The following RTTN variants were observed in gnomAD, a reference collection of about 807,000 sequenced individuals.
RTTN encodes rotatin.
Under a neutral mutation model 269.2 loss-of-function variants are expected in RTTN, and 182 were observed. The ratio of observed to expected loss-of-function variants is 0.68; its 90% CI spans 0.60 to 0.76. The LOEUF is 0.76. Ranked by LOEUF, RTTN falls within the 30% of genes least tolerant of loss-of-function variation. The pLI, the probability that RTTN is intolerant of heterozygous loss-of-function variation, is 0.00. For missense variants in RTTN, 2,545 were observed against 2,608.6 expected, an observed-to-expected ratio of 0.98 and a Z score of 0.53; for synonymous variants, 1,006 against 963.5, an observed-to-expected ratio of 1.04 and a Z score of -0.82.
At chr18:70,148,167 G>T (rs2060444908) in intron 17 of RTTN, among the ~76,000 whole-genome samples, 1 of 152,098 alleles carries the variant, frequency 6.6e-6, no homozygotes, top group Admixed American at 6.6e-5. Context: ...ATTATCCATT[G>T]TGAAAAGAAT....
At position 70,028,794 on chromosome 18, in the gene RTTN, C is replaced by T; in HGVS notation, c.5753G>A (p.Gly1918Asp). 3 of 1,609,110 alleles carry T rather than the reference C, an allele frequency of 1.9e-6. No homozygotes were observed. The highest frequency in any genetic ancestry group is 2.6e-6 in the Non-Finnish European group (3 of 1,176,270). The change falls in exon 43 of 49, where the codon GGT becomes GAT. Residue 1918 changes from glycine to aspartate, a missense_variant. Physicochemically the swap from Gly to Asp is moderately conservative, Grantham distance 94. Coordinates refer to ENST00000640769, the MANE Select transcript of RTTN (RefSeq NM_173630.4). ...GGCAATGCTTAACTCTTTAATAACA[C>T]CATCCTCCTATTTAAACAAAAAGCA... ...GKAALKKKEDGVIKELSIAMQ... is the reference protein window; with the variant it reads ...GKAALKKKEDDVIKELSIAMQ...
In RTTN at chr18:70,051,534, A is replaced by G; in HGVS notation, c.5200T>C (p.Ser1734Pro). ...TGTGTCCATGTGTGATAAAAAGCTGATATTAACTCTTTATCTATAAAATTA... is the reference window on the plus strand; with the variant it reads ...TGTGTCCATGTGTGATAAAAAGCTGGTATTAACTCTTTATCTATAAAATTA... ...TKDVLDKELI[S>P]AFYHTWTHLF... The change falls in exon 39 of 49, where the codon TCA becomes CCA. Residue 1734 changes from serine (S) to proline (P), a missense_variant. Transcript: ENST00000640769. 6.2e-7 allele frequency: 1 copy of G among 1,602,710 alleles called. No individual in the cohort carries two copies.
At chr18:70,035,061 G>C (rs141814273) in intron 40 of RTTN, among the ~76,000 whole-genome samples, 2 of 152,294 alleles carry the variant, frequency 1.3e-5, no homozygotes, top group African/African-American at 4.8e-5. Flanking sequence ...AAAGAAATCA[G>C]TGGTGACACG....
At chr18:70,184,012 C>T (rs574167867) in intron 10 of RTTN, among the ~76,000 whole-genome samples, 1 of 152,280 alleles carries the variant, frequency 6.6e-6, no homozygotes, top group South Asian at 2.1e-4. Flanking sequence ...AAGTAATGCT[C>T]CCATGCTGGC....
chr18:70,066,434 A>T (rs966085779), intron 34 of RTTN, among the ~76,000 whole-genome samples: 1 of 152,190 alleles, frequency 6.6e-6, no homozygotes, highest in African/African-American at 2.4e-5. Flanking sequence ...TTGCTTCAGA[A>T]TACAACATTA....
intron 25 of RTTN, among the ~76,000 whole-genome samples, chr18:70,123,036 TA>T (rs541922555): frequency 8.0e-5 from 12 of 150,566 alleles, no homozygotes; most frequent in African/African-American, 1.5e-4. Context: ...GCCTGGCATT[TA>T]AAAAAAAAAT....
In RTTN at chr18:70,135,186, C is replaced by A; in HGVS notation, c.2883G>T (p.Met961Ile). ...LLFDEVSRMD[M>I]WSVNPSNKPS... ...ACTTATAAATTCTTATATCTCACCA[C>A]ATATCCATTCTCGATACTTCATCAA... is the stretch of plus-strand genomic sequence containing the variant. The change falls in exon 22 of 49, where the codon ATG becomes ATT. Residue 961 changes from methionine to isoleucine, a missense_variant and splice_region_variant. Coordinates refer to ENST00000640769, the MANE Select transcript of RTTN (RefSeq NM_173630.4). The A allele has an allele frequency of 6.7e-7, 1 of 1,495,378 alleles. No homozygotes were observed. Among genetic ancestry groups the A allele is most frequent in the Non-Finnish European group, 9.0e-7 (1 of 1,109,194 alleles). The allele number at this position is 1,495,378 out of a possible 1,614,324, so 92.6% of individuals were successfully genotyped here.
At chr18:70,176,184 C>T (rs5013427) in intron 11 of RTTN, among the ~76,000 whole-genome samples, 8 of 145,432 alleles carry the variant, frequency 5.5e-5, no homozygotes, top group South Asian at 4.5e-4. Flanking sequence ...TATATGTATA[C>T]GTAGATGTAG....
Position 70,074,005 on chromosome 18 carries a change from G to A in RTTN, c.4565-11C>T, listed in dbSNP as rs192428170. 131 of 1,590,850 alleles carry A rather than the reference G, an allele frequency of 8.2e-5. 1 individual carries two copies. The East Asian group carries it at 2.2e-3, about 27-fold the overall frequency. Reference sequence around the variant, plus strand: ...ATGAGTCATCTAAACCTGCAACAACGAGAAAATTGTTAACATGGACACCCT... The same window carrying A: ...ATGAGTCATCTAAACCTGCAACAACAAGAAAATTGTTAACATGGACACCCT... On this transcript the variant is annotated splice_polypyrimidine_tract_variant and intron_variant, in intron 33 of 48. Coordinates refer to ENST00000640769, the MANE Select transcript of RTTN (RefSeq NM_173630.4).
intron 35 of RTTN, among the ~76,000 whole-genome samples, chr18:70,064,831 G>A (rs896781512): frequency 3.3e-5 from 5 of 152,100 alleles, no homozygotes; most frequent in African/African-American, 1.2e-4. Flanking sequence ...GAATTATATG[G>A]TATGTGAATT....
At chr18:70,115,264 G>A (rs959946655) in intron 26 of RTTN, among the ~76,000 whole-genome samples, 4 of 151,890 alleles carry the variant, frequency 2.6e-5, no homozygotes, top group Admixed American at 2.6e-4. Context: ...CACAGGACAT[G>A]AAAAGACCCA....
At chr18:70,187,213 A>C (rs1242101040) in intron 10 of RTTN, among the ~76,000 whole-genome samples, 1 of 152,190 alleles carries the variant, frequency 6.6e-6, no homozygotes, top group African/African-American at 2.4e-5. Flanking sequence ...TCTCACGTAT[A>C]GATAGATAGG....
chr18:70,170,423 T>G (rs555885523), intron 11 of RTTN, among the ~76,000 whole-genome samples: 2 of 151,968 alleles, frequency 1.3e-5, no homozygotes, highest in East Asian at 1.9e-4. Flanking sequence ...TAATGGGGAG[T>G]GGAGGCAGGG....
chr18:70,016,369 ATG>A (rs1229047994), intron 46 of RTTN, among the ~76,000 whole-genome samples: 2 of 152,120 alleles, frequency 1.3e-5, no homozygotes, highest in Non-Finnish European at 2.9e-5. Context: ...TAGGCACTTT[ATG>A]TGTGTTTATA....
chr18:70,113,945 T>C (rs539103906), intron 27 of RTTN, among the ~76,000 whole-genome samples: 2 of 152,266 alleles, frequency 1.3e-5, no homozygotes, highest in South Asian at 2.1e-4. Context: ...GGGGTGATGA[T>C]AAAGTTCTGG....
At chr18:70,193,735 C>T (rs541238357) in intron 7 of RTTN, among the ~76,000 whole-genome samples, 1 of 152,266 alleles carries the variant, frequency 6.6e-6, no homozygotes, top group East Asian at 1.9e-4. Flanking sequence ...ATCATGCACT[C>T]GTCTGCTTAA....
At chr18:70,116,266 G>C (rs1017841159) in intron 26 of RTTN, among the ~76,000 whole-genome samples, 3 of 151,774 alleles carry the variant, frequency 2.0e-5, no homozygotes, top group Non-Finnish European at 4.4e-5. Context: ...TTTATTATTA[G>C]GAATTATTAA....
chr18:70,100,616 G>A (rs1430830211), intron 28 of RTTN, among the ~76,000 whole-genome samples: 1 of 152,052 alleles, frequency 6.6e-6, no homozygotes, highest in Non-Finnish European at 1.5e-5. Context: ...CAACACTGTT[G>A]AATAGGAGTG....
chr18:70,196,516 A>T lies in RTTN; in HGVS notation c.826T>A (p.Phe276Ile), dbSNP rs1333925514. The change falls in exon 7 of 49, where the codon TTC becomes ATC. Residue 276 changes from phenylalanine to isoleucine, a missense_variant. Phe to Ile is a conservative substitution (Grantham distance 21). Coordinates refer to ENST00000640769, the MANE Select transcript of RTTN (RefSeq NM_173630.4). ...AAATAAATACCGTGTTTATTGGAGAAAAAACCTGGATCTCGGTGAAAGTTA... is the reference window on the plus strand; with the variant it reads ...AAATAAATACCGTGTTTATTGGAGATAAAACCTGGATCTCGGTGAAAGTTA... Reference protein sequence around the residue: ...RLNFHRDPGFFSNKHDTVSQN... With the variant: ...RLNFHRDPGFISNKHDTVSQN... 6.2e-7 allele frequency: 1 copy of T among 1,610,512 alleles called. No individual in the cohort carries two copies. The highest frequency in any genetic ancestry group is 1.7e-4 in the Middle Eastern group (1 of 6,042).
Sources: gnomAD v4.1 joint callset for allele counts (sites outside exome capture counted in the v4.1 genomes callset) on GRCh38, gnomAD v4.1.1 for gene constraint, MANE v1.5 for transcripts, NCBI Gene and HGNC (gene_info 2026-07-23, HGNC 2026-07-21) for gene names.